Variants in SNAP23 observed in about 807,000 individuals in gnomAD.
The protein encoded by SNAP23 is synaptosome associated protein 23.
A neutral mutation model predicts 29.0 loss-of-function variants in SNAP23; 11 were observed. The ratio of observed to expected loss-of-function variants is 0.38; its 90% CI spans 0.24 to 0.63. The LOEUF is 0.63. Ranked by LOEUF, SNAP23 falls within the 20% of genes least tolerant of loss-of-function variation. The pLI is 0.58. For missense variants in SNAP23, 220 were observed against 253.9 expected (o/e 0.87, Z 0.91); for synonymous variants, 60 against 82.9 (o/e 0.72, Z 1.50).
chr15:42,528,064 A>T (rs2141556708), intron 5 of SNAP23, 198 bp from the exon 6 acceptor site: 1 of 471,772 alleles, frequency 2.1e-6, no homozygotes, highest in East Asian at 3.1e-5. Context: ...AATTTTTTTT[A>T]GTGTCAATGG....
intron 1 of SNAP23, among the ~76,000 whole-genome samples, chr15:42,501,722 G>C (rs2057272189): frequency 6.6e-6 from 1 of 152,180 alleles, no homozygotes; most frequent in African/African-American, 2.4e-5. Flanking sequence ...AAAATCACGA[G>C]AGATATTTCA....
intron 1 of SNAP23, among the ~76,000 whole-genome samples, chr15:42,497,329 G>A (rs923775560): frequency 6.6e-6 from 1 of 150,790 alleles, no homozygotes; most frequent in Non-Finnish European, 1.5e-5. Flanking sequence ...CTGCCTCAAC[G>A]TCCCAAGTAG....
At chr15:42,520,547 T>C (rs1156708865) in intron 5 of SNAP23, among the ~76,000 whole-genome samples, 1 of 152,098 alleles carries the variant, frequency 6.6e-6, no homozygotes, top group Non-Finnish European at 1.5e-5. Flanking sequence ...CAGGCTGGAG[T>C]GCAGTGGCAC....
intron 1 of SNAP23, among the ~76,000 whole-genome samples, chr15:42,510,139 G>T (rs933970948): frequency 2.6e-5 from 4 of 151,928 alleles, no homozygotes; most frequent in African/African-American, 9.7e-5. Context: ...AAATTTTTTT[G>T]TTTGTTTGTT....
chr15:42,528,342 C>G lies in SNAP23; in HGVS notation c.347C>G (p.Ser116Cys). ...GAAAACTCACCTTGCAATGTAGTAT[C>G]TAAACAGCCAGGCCCGGTGACAAAT... ...GGENSPCNVV[S>C]KQPGPVTNGQ... Residue 116 changes from serine to cysteine, a missense_variant, in exon 6 of 8, where the codon TCT becomes TGT. Physicochemically the swap from Ser to Cys is moderately radical, Grantham distance 112. Transcript: ENST00000249647. 6.2e-7 allele frequency: 1 copy of G among 1,614,102 alleles called. No individual in the cohort carries two copies. The highest frequency in any genetic ancestry group is 8.5e-7 in the Non-Finnish European group (1 of 1,180,002).
intron 1 of SNAP23, among the ~76,000 whole-genome samples, chr15:42,507,316 G>A (rs912864906): frequency 1.3e-5 from 2 of 152,126 alleles, no homozygotes; most frequent in African/African-American, 2.4e-5. Context: ...GTGCCTAAGA[G>A]GTACTCAGTG....
chr15:42,498,604 C>T (rs545282537), intron 1 of SNAP23, among the ~76,000 whole-genome samples: 1 of 152,286 alleles, frequency 6.6e-6, no homozygotes, highest in East Asian at 1.9e-4. Flanking sequence ...CTGATATGCC[C>T]TGGAGACATT....
At chr15:42,510,917 C>T (rs1488645756) in intron 1 of SNAP23, among the ~76,000 whole-genome samples, 1 of 152,094 alleles carries the variant, frequency 6.6e-6, no homozygotes, top group African/African-American at 2.4e-5. Flanking sequence ...CAACTCCAGA[C>T]ATTGCCAGAT....
chr15:42,517,844 AG>A, intron 5 of SNAP23, among the ~76,000 whole-genome samples: 2 of 152,120 alleles, frequency 1.3e-5, no homozygotes, highest in Middle Eastern at 3.4e-3. Context: ...CCAAGTAGCT[AG>A]GATTACAGGT....
intron 1 of SNAP23, among the ~76,000 whole-genome samples, chr15:42,498,136 T>C (rs566292945): frequency 2.8e-4 from 42 of 152,246 alleles, no homozygotes; most frequent in African/African-American, 9.9e-4. Flanking sequence ...TGCAAGCTGT[T>C]TGTAGACCTG....
At chr15:42,502,281 C>A (rs2057278687) in intron 1 of SNAP23, among the ~76,000 whole-genome samples, 1 of 152,192 alleles carries the variant, frequency 6.6e-6, no homozygotes, top group South Asian at 2.1e-4. Flanking sequence ...GCCTCAGCCT[C>A]CCAAAGTGCT....
intron 5 of SNAP23, among the ~76,000 whole-genome samples, chr15:42,516,101 TTGGAG>T (rs546956439): frequency 3.0e-4 from 45 of 152,320 alleles, no homozygotes; most frequent in Non-Finnish European, 5.4e-4. Flanking sequence ...AGTTGACAGA[TTGGAG>T]TGGAGTATAA....
rs777189318 is a variant in SNAP23 at position 42,511,901 on chromosome 15, G to A, written c.55G>A (p.Glu19Lys). 5.1e-6 allele frequency: 8 copies of A among 1,583,860 alleles called. No homozygotes were observed. In the South Asian group the frequency reaches 5.8e-5, roughly 11 times the overall value. The part of the protein sequence containing the change: ...IQQRAHQITD[E>K]SLESTRRILG... ...ACAGAGAGCTCACCAGATTACTGAT[G>A]AGGTAAATGTTTTACCTAAAATAAG... Residue 19 changes from glutamate to lysine, a missense_variant and splice_region_variant, in exon 2 of 8, where the codon GAG becomes AAG. Coordinates refer to ENST00000249647, the MANE Select transcript of SNAP23 (RefSeq NM_003825.4).
intron 2 of SNAP23, 34 bp from the exon 3 acceptor site, chr15:42,512,920 AT>A: frequency 1.3e-6 from 2 of 1,555,970 alleles, no homozygotes; most frequent in Non-Finnish European, 8.8e-7. Context: ...TTTTCTACAT[AT>A]TTTGGAATGC....
At chr15:42,502,002 G>A (rs1054726665) in intron 1 of SNAP23, among the ~76,000 whole-genome samples, 3 of 151,822 alleles carry the variant, frequency 2.0e-5, no homozygotes, top group African/African-American at 7.3e-5. Context: ...ATCCTTTCCA[G>A]GGACGTGAGT....
intron 5 of SNAP23, among the ~76,000 whole-genome samples, chr15:42,516,899 T>G (rs947551455): frequency 1.3e-4 from 20 of 152,172 alleles, no homozygotes; most frequent in African/African-American, 4.8e-4. Context: ...GTTGACCTGT[T>G]TACACCTTGG....
At chr15:42,530,715 A>G (rs2057557032) in intron 7 of SNAP23, among the ~76,000 whole-genome samples, 1 of 152,234 alleles carries the variant, frequency 6.6e-6, no homozygotes, top group Non-Finnish European at 1.5e-5. Flanking sequence ...GCACCATTGC[A>G]TTCCAGCCTG....
intron 5 of SNAP23, among the ~76,000 whole-genome samples, chr15:42,518,200 C>T (rs576789433): frequency 6.6e-6 from 1 of 152,244 alleles, no homozygotes; most frequent in South Asian, 2.1e-4. Flanking sequence ...ATCTCTTATC[C>T]TCAGCTCTGT....
At chr15:42,510,337 T>C (rs1283279576) in intron 1 of SNAP23, among the ~76,000 whole-genome samples, 4 of 152,068 alleles carry the variant, frequency 2.6e-5, no homozygotes, top group Non-Finnish European at 5.9e-5. Flanking sequence ...GGTTTTGCCA[T>C]GTTGCCCAGG....
Sources: allele counts gnomAD v4.1 joint callset (sites outside exome capture counted in the v4.1 genomes callset), GRCh38; gene constraint gnomAD v4.1.1; transcripts MANE v1.5; gene names NCBI Gene and HGNC (gene_info 2026-07-23, HGNC 2026-07-21).